The following FARP1 variants were observed in gnomAD, a reference collection of about 807,000 sequenced individuals.
FARP1 encodes the protein FERM, ARHGEF and pleckstrin domain-containing protein 1.
FARP1 carries 52 observed loss-of-function variants against 128.8 expected under a neutral mutation model. The ratio of observed to expected loss-of-function variants is 0.40; its 90% CI spans 0.32 to 0.51. The LOEUF (loss-of-function observed/expected upper bound fraction) is 0.51. Among genes scored for constraint, FARP1 ranks in the 20% least tolerant of loss-of-function variants. The pLI is 0.45. For synonymous variants in FARP1, 580 were observed against 551.8 expected, an observed-to-expected ratio of 1.05 and a Z score of -0.72; for missense variants, 1,333 against 1,367.9, an observed-to-expected ratio of 0.97 and a Z score of 0.40.
chr13:98,233,122 C>A (rs577202156), intron 2 of FARP1, among the ~76,000 whole-genome samples: 1 of 152,326 alleles, frequency 6.6e-6, no homozygotes, highest in South Asian at 2.1e-4. Flanking sequence ...CTCATCCAGA[C>A]CATCTCACTT....
chr13:98,383,219 G>T (rs555527542), intron 6 of FARP1, among the ~76,000 whole-genome samples: 4 of 152,308 alleles, frequency 2.6e-5, no homozygotes, highest in Admixed American at 6.5e-5. Flanking sequence ...AGAGAAGCCA[G>T]GCCCTCTATT....
rs3138577 is a variant in FARP1, at chr13:98,206,177, TTGTGTGTGTGTGTGTG to T, written c.-23-7018_-23-7003del. Among the ~76,000 whole-genome samples, 413 of 146,560 alleles carry T rather than the reference TTGTGTGTGTGTGTGTG, an allele frequency of 2.8e-3. 1 individual carries two copies. The highest frequency in any genetic ancestry group is 7.0e-3 in the Middle Eastern group (2 of 286). On this transcript the variant is annotated intron_variant, in intron 1 of 26. Coordinates refer to ENST00000319562, the MANE Select transcript of FARP1 (RefSeq NM_005766.4). Reference sequence around the variant, plus strand: ...TAATAGGAATTTTCATGACTTGAGGTTGTGTGTGTGTGTGTGTGTGTGTGTGTGTGTGTGTGTGTGA... The same window carrying T: ...TAATAGGAATTTTCATGACTTGAGGTTGTGTGTGTGTGTGTGTGTGTGTGA...
At chr13:98,279,657 G>C (rs997865492) in intron 2 of FARP1, among the ~76,000 whole-genome samples, 1 of 152,216 alleles carries the variant, frequency 6.6e-6, no homozygotes, top group African/African-American at 2.4e-5. Flanking sequence ...CGGCTTGAGA[G>C]GAGCTTGGGT....
intron 2 of FARP1, among the ~76,000 whole-genome samples, chr13:98,307,279 G>A (rs1001041683): frequency 7.2e-5 from 11 of 152,174 alleles, no homozygotes; most frequent in African/African-American, 1.2e-4. Context: ...TTTGAATTAG[G>A]TTGAGAATTT....
intron 18 of FARP1, 166 bp from the exon 19 acceptor site, chr13:98,435,410 C>T: frequency 1.6e-6 from 1 of 626,800 alleles, no homozygotes; most frequent in Non-Finnish European, 2.6e-6. Flanking sequence ...GAAAATACAC[C>T]ATCAATTTTT....
chr13:98,150,566 C>T (rs911685941), intron 1 of FARP1, among the ~76,000 whole-genome samples: 2 of 152,126 alleles, frequency 1.3e-5, no homozygotes, highest in African/African-American at 4.8e-5. Context: ...ATTAGGAAAA[C>T]ATTTTACATG....
intron 2 of FARP1, among the ~76,000 whole-genome samples, chr13:98,271,801 A>G (rs1884403745): frequency 1.3e-5 from 2 of 152,100 alleles, no homozygotes; most frequent in Non-Finnish European, 2.9e-5. Context: ...TTCTTTATCT[A>G]ATCTATCACT....
intron 2 of FARP1, among the ~76,000 whole-genome samples, chr13:98,255,577 T>G (rs1056924970): frequency 6.6e-6 from 1 of 152,248 alleles, no homozygotes; most frequent in Non-Finnish European, 1.5e-5. Flanking sequence ...TAAAATATTA[T>G]GAAACAATGC....
chr13:98,335,990 C>G (rs978600973), intron 2 of FARP1, among the ~76,000 whole-genome samples: 11 of 152,106 alleles, frequency 7.2e-5, no homozygotes, highest in African/African-American at 2.4e-4. Flanking sequence ...GAGGTGCAAA[C>G]CTTGTAAACC....
chr13:98,372,013 G>A (rs773189955), intron 5 of FARP1, among the ~76,000 whole-genome samples: 10 of 150,978 alleles, frequency 6.6e-5, no homozygotes, highest in Non-Finnish European at 7.4e-5. Context: ...AAGGAGAAGC[G>A]TATTGACTCC....
intron 26 of FARP1, chr13:98,447,074 A>C (rs1269737740): frequency 4.3e-6 from 2 of 466,466 alleles, no homozygotes; most frequent in Non-Finnish European, 7.8e-6. Flanking sequence ...GATCTCTGAC[A>C]TAACGTGTCC....
At chr13:98,385,538 T>TGGA (rs1890062921) in intron 7 of FARP1, 129 bp from the exon 8 acceptor site, 1 of 976,124 alleles carries the variant, frequency 1.0e-6, no homozygotes, top group African/African-American at 1.6e-5. Context: ...GGGTGTCATC[T>TGGA]GATCGGGTAG....
At position 98,333,284 on chromosome 13, in the gene FARP1, A is replaced by G. The variant is rs770010821; in HGVS notation, c.172-10478A>G. The G allele has an allele frequency of 3.9e-5, 6 of 152,168 alleles. No individual in the cohort carries two copies. The East Asian group carries it at 7.7e-4, about 20-fold the overall frequency. The allele number at this position is 152,168 out of a possible 1,614,324, so 9.4% of individuals were successfully genotyped here. A position where few individuals can be genotyped will look rare whatever the true frequency, so the allele number is the denominator to read the frequency against. ...AAATTTTAGAATTTTTTATTCATCTACTTCTAAAAGGGTGAAAAGATAATG... is the reference window on the plus strand; with the variant it reads ...AAATTTTAGAATTTTTTATTCATCTGCTTCTAAAAGGGTGAAAAGATAATG... On this transcript the variant is annotated intron_variant, in intron 2 of 26. Transcript: ENST00000319562.
At chr13:98,182,804 T>C (rs952997604) in intron 1 of FARP1, among the ~76,000 whole-genome samples, 7 of 152,232 alleles carry the variant, frequency 4.6e-5, no homozygotes, top group African/African-American at 1.7e-4. Flanking sequence ...CCCATTCTTT[T>C]TTAGCACTGG....
intron 1 of FARP1, among the ~76,000 whole-genome samples, chr13:98,181,053 CT>C (rs113512344): frequency 7.4e-4 from 107 of 145,530 alleles, no homozygotes; most frequent in Middle Eastern, 3.5e-3. Flanking sequence ...ATTTTTAAGT[CT>C]TTTTTTTTTT....
intron 17 of FARP1, 88 bp downstream of exon 17, chr13:98,424,738 TCA>T: frequency 2.3e-6 from 2 of 858,256 alleles, no homozygotes; most frequent in South Asian, 2.8e-5. Context: ...GCCATTTCCA[TCA>T]GCATGCATCA....
At chr13:98,349,115 T>C (rs1483658522) in intron 3 of FARP1, among the ~76,000 whole-genome samples, 1 of 152,254 alleles carries the variant, frequency 6.6e-6, no homozygotes, top group African/African-American at 2.4e-5. Flanking sequence ...AAGCTCTGCA[T>C]TGTGGCTTGC....
chr13:98,302,625 A>C (rs1885970948), intron 2 of FARP1, among the ~76,000 whole-genome samples: 1 of 152,208 alleles, frequency 6.6e-6, no homozygotes. Flanking sequence ...GGAGAGATCA[A>C]GGAAAGGCAA....
intron 1 of FARP1, among the ~76,000 whole-genome samples, chr13:98,165,832 C>T (rs1354001603): frequency 6.7e-6 from 1 of 148,688 alleles, no homozygotes; most frequent in Non-Finnish European, 1.5e-5. Context: ...ATTCTACTGC[C>T]TCAGCCTCCA....
Sources: allele counts gnomAD v4.1 joint callset (sites outside exome capture counted in the v4.1 genomes callset), GRCh38; gene constraint gnomAD v4.1.1; transcripts MANE v1.5; gene names NCBI Gene and HGNC (gene_info 2026-07-23, HGNC 2026-07-21).